Variants in FYB2 observed in about 807,000 individuals in gnomAD.
FYB2 encodes the protein FYN-binding protein 2.
FYB2 carries 103 observed loss-of-function variants against 94.1 expected under a neutral mutation model. That is an observed-to-expected ratio of 1.09 (90% CI 0.93 to 1.29). The LOEUF is 1.29. Ranked by LOEUF, FYB2 falls within the 50% of genes most tolerant of loss-of-function variation. FYB2 has a pLI of 0.00. For missense variants in FYB2, 896 were observed against 841.5 expected (o/e 1.06, Z -0.80); for synonymous variants, 293 against 287.9 (o/e 1.02, Z -0.18).
At chr1:56,772,247 C>T (rs1376391049) in intron 4 of FYB2, among the ~76,000 whole-genome samples, 2 of 152,012 alleles carry the variant, frequency 1.3e-5, no homozygotes, top group Non-Finnish European at 2.9e-5. Context: ...ATTTCTTAGA[C>T]CACTTTGGTC....
intron 16 of FYB2, among the ~76,000 whole-genome samples, chr1:56,725,057 A>G (rs1330449627): frequency 4.6e-5 from 7 of 152,020 alleles, no homozygotes; most frequent in Non-Finnish European, 1.0e-4. Flanking sequence ...ATGTCTGCAC[A>G]TTCTCCTTCA....
chr1:56,762,260 T>G (rs554393025), intron 5 of FYB2, among the ~76,000 whole-genome samples: 1 of 152,336 alleles, frequency 6.6e-6, no homozygotes, highest in Non-Finnish European at 1.5e-5. Flanking sequence ...CTGCAGAAGA[T>G]CCTACTGGGA....
At chr1:56,738,743 T>G (rs954020133) in intron 13 of FYB2, 90 bp from the exon 14 acceptor site, 12 of 1,375,934 alleles carry the variant, frequency 8.7e-6, no homozygotes, top group Non-Finnish European at 1.2e-5. Context: ...ATATTGATGA[T>G]GCTGGATTGC....
chr1:56,732,485 G>A (rs990775112), intron 15 of FYB2, among the ~76,000 whole-genome samples: 1 of 151,982 alleles, frequency 6.6e-6, no homozygotes, highest in African/African-American at 2.4e-5. Context: ...CACAATCTTA[G>A]AATTTGTATG....
chr1:56,809,193 C>T lies in FYB2; in HGVS notation c.9+10089G>A, dbSNP rs540157385. 6.6e-5 allele frequency among the ~76,000 whole-genome samples: 10 copies of T among 152,284 alleles called. No homozygotes were observed. The East Asian group carries it at 1.9e-3, about 29-fold the overall frequency. On this transcript the variant is annotated intron_variant, in intron 1 of 19. Transcript: ENST00000343433. ...TCTCTGCTCTCACAGAACTTCTAGGCAAATGGGTAACTTTAAAGGTCTACA... is the reference window on the plus strand; with the variant it reads ...TCTCTGCTCTCACAGAACTTCTAGGTAAATGGGTAACTTTAAAGGTCTACA...
chr1:56,773,709 C>G (rs1645813033), intron 4 of FYB2, among the ~76,000 whole-genome samples: 1 of 152,140 alleles, frequency 6.6e-6, no homozygotes, highest in Non-Finnish European at 1.5e-5. Context: ...AAGATTGAGA[C>G]TTGAACAACA....
At chr1:56,811,080 T>C (rs1356241109) in intron 1 of FYB2, among the ~76,000 whole-genome samples, 2 of 152,176 alleles carry the variant, frequency 1.3e-5, no homozygotes, top group Non-Finnish European at 2.9e-5. Flanking sequence ...TTCTAAATGT[T>C]CTCTATATAT....
At chr1:56,723,492 G>T in intron 17 of FYB2, 96 bp downstream of exon 17, 1 of 636,698 alleles carries the variant, frequency 1.6e-6, no homozygotes, top group Non-Finnish European at 2.6e-6. Flanking sequence ...CTGTATCTCA[G>T]AGAGGCAGAG....
rs75053549 is a variant in FYB2, at chr1:56,818,867, A to C, written c.9+415T>G. 2.0e-5 allele frequency among the ~76,000 whole-genome samples: 3 copies of C among 152,308 alleles called. No individual in the cohort carries two copies. The East Asian group carries it at 5.8e-4, about 29-fold the overall frequency. ...AAGAGCAATGCACAGCCGGCTTCCTAGCACCAAGCACTGCTCTCTGACCAG... is the reference window on the plus strand; with the variant it reads ...AAGAGCAATGCACAGCCGGCTTCCTCGCACCAAGCACTGCTCTCTGACCAG... On this transcript the variant is annotated intron_variant, in intron 1 of 19. Coordinates refer to ENST00000343433, the MANE Select transcript of FYB2 (RefSeq NM_001004303.5).
intron 17 of FYB2, 104 bp downstream of exon 17, chr1:56,723,484 G>A: frequency 1.7e-6 from 1 of 601,514 alleles, no homozygotes; most frequent in Non-Finnish European, 2.8e-6. Context: ...GATCATGTCT[G>A]TATCTCAGAG....
chr1:56,761,927 A>C (rs1645503787), intron 5 of FYB2: 1 of 152,112 alleles, frequency 6.6e-6, no homozygotes, highest in South Asian at 2.1e-4. Context: ...CTTAAGCCAA[A>C]GTTTATTTTC....
intron 1 of FYB2, among the ~76,000 whole-genome samples, chr1:56,805,792 TTC>T (rs1325416166): frequency 6.6e-6 from 1 of 152,148 alleles, no homozygotes; most frequent in African/African-American, 2.4e-5. Context: ...CCTGCATAAA[TTC>T]TCTCTCTCTT....
At chr1:56,728,311 C>G (rs1275199385) in intron 15 of FYB2, among the ~76,000 whole-genome samples, 1 of 152,048 alleles carries the variant, frequency 6.6e-6, no homozygotes, top group Non-Finnish European at 1.5e-5. Context: ...GCCTAAATAA[C>G]AGTAATGCGT....
At chr1:56,750,231 T>G (rs922026416) in intron 9 of FYB2, among the ~76,000 whole-genome samples, 2 of 152,056 alleles carry the variant, frequency 1.3e-5, no homozygotes, top group Non-Finnish European at 1.5e-5. Flanking sequence ...TAATATATGA[T>G]CCAGAAACTT....
Position 56,767,403 on chromosome 1 carries a change from G to A in FYB2, c.1063+426C>T, listed in dbSNP as rs546195250. Among the ~76,000 whole-genome samples the A allele has an allele frequency of 5.9e-5, 9 of 152,262 alleles. No individual in the cohort carries two copies. In the East Asian group the frequency reaches 1.7e-3, roughly 29 times the overall value. ...GCTCCTATTCAGACTGAACACAGGG[G>A]CCTAATTCTCATGGTCTGTTATCTC... On this transcript the variant is annotated intron_variant, in intron 5 of 19. Coordinates refer to ENST00000343433, the MANE Select transcript of FYB2 (RefSeq NM_001004303.5).
intron 8 of FYB2, among the ~76,000 whole-genome samples, chr1:56,752,803 C>T (rs935810128): frequency 1.3e-5 from 2 of 152,192 alleles, no homozygotes; most frequent in Admixed American, 1.3e-4. Context: ...CGCCACATAG[C>T]CAGCATTGAA....
chr1:56,721,499 T>A (rs374408607), intron 17 of FYB2, among the ~76,000 whole-genome samples: 2 of 152,090 alleles, frequency 1.3e-5, no homozygotes, highest in East Asian at 1.9e-4. Context: ...CTGGCTTTTT[T>A]ATCCTTTACA....
chr1:56,810,070 AG>A (rs1346100426), intron 1 of FYB2, among the ~76,000 whole-genome samples: 1 of 152,174 alleles, frequency 6.6e-6, no homozygotes, highest in Non-Finnish European at 1.5e-5. Flanking sequence ...GAGGGGGAAG[AG>A]GGAAAGAAGG....
upstream of FYB2, among the ~76,000 whole-genome samples, chr1:56,821,050 G>A (rs1445500483): frequency 6.6e-6 from 1 of 152,186 alleles, no homozygotes; most frequent in Non-Finnish European, 1.5e-5. Flanking sequence ...GGGGACCCAG[G>A]CCAAAAGTCA....
Sources: gnomAD v4.1 joint callset for allele counts (sites outside exome capture counted in the v4.1 genomes callset) on GRCh38, gnomAD v4.1.1 for gene constraint, MANE v1.5 for transcripts, NCBI Gene and HGNC (gene_info 2026-07-23, HGNC 2026-07-21) for gene names.